The following CR1L variants were observed in gnomAD, a reference collection of about 807,000 sequenced individuals.
CR1L encodes the protein complement C3b/C4b receptor 1 like.
Under a neutral mutation model 62.3 loss-of-function variants are expected in CR1L, and 59 were observed. That is an observed-to-expected ratio of 0.95 (90% CI 0.77 to 1.18). The LOEUF is 1.18. Ranked by LOEUF, CR1L falls within the 50% of genes most tolerant of loss-of-function variation. The pLI is 0.00. For synonymous variants in CR1L, 279 were observed against 248.7 expected (o/e 1.12, Z -1.15); for missense variants, 700 against 702.8 (o/e 1.00, Z 0.04).
chr1:207,677,590 A>G, intron 2 of CR1L, 22 bp downstream of exon 2: 1 of 1,602,428 alleles, frequency 6.2e-7, no homozygotes, highest in Non-Finnish European at 8.5e-7. Context: ...TGGAGTGGGA[A>G]CCCCTCTGTT....
At chr1:207,670,078 T>G (rs1663587415) in intron 1 of CR1L, among the ~76,000 whole-genome samples, 1 of 151,042 alleles carries the variant, frequency 6.6e-6, no homozygotes, top group Non-Finnish European at 1.5e-5. Context: ...GTCGAGTATC[T>G]AACACAGGGC....
intron 4 of CR1L, among the ~76,000 whole-genome samples, chr1:207,690,730 C>T (rs1663983142): frequency 6.6e-6 from 1 of 152,202 alleles, no homozygotes; most frequent in Non-Finnish European, 1.5e-5. Flanking sequence ...GGATTGGTTC[C>T]ATCTGCAAGC....
chr1:207,721,406 TG>T (rs1411002992), intron 11 of CR1L, among the ~76,000 whole-genome samples: 1 of 145,654 alleles, frequency 6.9e-6, no homozygotes, highest in Non-Finnish European at 1.5e-5. Flanking sequence ...GTGATCTCAT[TG>T]TTCAATTCCC....
chr1:207,682,098 A>G (rs1163725169), intron 3 of CR1L, among the ~76,000 whole-genome samples: 1 of 152,138 alleles, frequency 6.6e-6, no homozygotes, highest in African/African-American at 2.4e-5. Context: ...ATACCTATGT[A>G]ACAAAACTGC....
Position 207,663,775 on chromosome 1 carries a change from C to T in CR1L, c.98-13614C>T, listed in dbSNP as rs556221610. Among the ~76,000 whole-genome samples the T allele has an allele frequency of 3.2e-4, 49 of 152,260 alleles. No individual in the cohort carries two copies. In the South Asian group the frequency reaches 0.01, roughly 32 times the overall value. On this transcript the variant is annotated intron_variant, in intron 1 of 11. Transcript: ENST00000508064. ...CCTATTCGGCCATCTTGGCTCCTCC[C>T]TCCTATTTTATTCTTTTCAGAGTGA...
intron 10 of CR1L, chr1:207,710,873 G>A (rs1225138232): frequency 9.4e-6 from 12 of 1,275,302 alleles, no homozygotes; most frequent in South Asian, 1.3e-5. Context: ...GGGGAGGGAT[G>A]TATGTTGAGG....
chr1:207,672,540 C>T (rs1571511494), intron 1 of CR1L, among the ~76,000 whole-genome samples: 1 of 151,824 alleles, frequency 6.6e-6, no homozygotes, highest in Non-Finnish European at 1.5e-5. Flanking sequence ...TAAGGACATA[C>T]TTGAACTCAA....
Position 207,717,657 on chromosome 1 carries a change from C to T in CR1L, c.1608C>T (p.Ser536=). The change falls in exon 11 of 12, where the codon AGC becomes AGT. Residue 536 remains serine, a synonymous_variant. Coordinates refer to ENST00000508064, the MANE Select transcript of CR1L (RefSeq NM_175710.2). ...CTCATGGGAATGGGGTTTGGAGCAG[C>T]CCTGCCCCTCGCTGTGAACTTCCTG... is the stretch of plus-strand genomic sequence containing the variant. ...SEPHGNGVWS[S]PAPRCELPVG... is the part of the protein sequence containing the mutation. The T allele has an allele frequency of 6.2e-6, 10 of 1,613,990 alleles. No individual in the cohort carries two copies. Among genetic ancestry groups the T allele is most frequent in the Non-Finnish European group, 8.5e-6 (10 of 1,179,892 alleles).
chr1:207,697,482 A>C (rs761072201), intron 5 of CR1L, 21 bp from the exon 6 acceptor site: 2 of 1,613,738 alleles, frequency 1.2e-6, no homozygotes, highest in South Asian at 2.2e-5. Context: ...AATTAGCAGT[A>C]CTTTGTTTCT....
In CR1L at chr1:207,710,435, G is replaced by A. The variant is rs752720970; in HGVS notation, c.1414+2172G>A. ...CACCAATGGATATTTCATTAGCACC[G>A]ACAGAGAGTATTTTCACTATGGATC... On this transcript the variant is annotated intron_variant, in intron 10 of 11. Transcript: ENST00000508064. 61 of 1,581,164 alleles carry A rather than the reference G, an allele frequency of 3.9e-5. No individual in the cohort carries two copies. In the Admixed American group the frequency reaches 4.3e-4, roughly 11 times the overall value.
chr1:207,697,724 T>C (rs367938860), intron 6 of CR1L, 45 bp downstream of exon 6: 1 of 1,613,880 alleles, frequency 6.2e-7, no homozygotes, highest in Non-Finnish European at 8.5e-7. Flanking sequence ...CTTGCGTCTT[T>C]ATTCTCCACA....
chr1:207,675,696 A>G (rs543624101), intron 1 of CR1L, among the ~76,000 whole-genome samples: 169 of 152,348 alleles, frequency 1.1e-3, no homozygotes, highest in Non-Finnish European at 1.9e-3. Flanking sequence ...AGGAACAGAA[A>G]TGAAAACAAA....
chr1:207,717,766 A>T, intron 11 of CR1L, 75 bp downstream of exon 11: 2 of 1,550,610 alleles, frequency 1.3e-6, no homozygotes, highest in Non-Finnish European at 8.8e-7. Context: ...CTATAGTGAC[A>T]GTCATTTTTG....
chr1:207,646,479 A>T (rs1663127356), intron 1 of CR1L, among the ~76,000 whole-genome samples: 1 of 152,118 alleles, frequency 6.6e-6, no homozygotes, highest in Non-Finnish European at 1.5e-5. Context: ...GGGAGGCCCA[A>T]GTTGGGTGAT....
At chr1:207,658,652 T>C (rs1359097838) in intron 1 of CR1L, 3 of 151,996 alleles carry the variant, frequency 2.0e-5, no homozygotes, top group Admixed American at 2.0e-4. Flanking sequence ...CACCCAAGAG[T>C]GTGGGGTGCG....
chr1:207,660,609 T>G (rs1663405291), intron 1 of CR1L, among the ~76,000 whole-genome samples: 1 of 152,234 alleles, frequency 6.6e-6, no homozygotes, highest in Non-Finnish European at 1.5e-5. Flanking sequence ...CTGGATCCAT[T>G]GATTTTTTGA....
rs1356346162 is a variant in CR1L at position 207,704,869 on chromosome 1, A to G, written c.1328+3251A>G. 9.2e-5 allele frequency among the ~76,000 whole-genome samples: 14 copies of G among 152,296 alleles called. No homozygotes were observed. In the East Asian group the frequency reaches 1.9e-3, roughly 21 times the overall value. On this transcript the variant is annotated intron_variant, in intron 9 of 11. Coordinates refer to ENST00000508064, the MANE Select transcript of CR1L (RefSeq NM_175710.2). ...CTTGGTTTGTTGTGATATTTGTTTT[A>G]TTGTGGTGTTCTGGAACTGAACCTG... is the stretch of plus-strand genomic sequence containing the variant.
intron 1 of CR1L, among the ~76,000 whole-genome samples, chr1:207,653,931 G>T (rs1663267749): frequency 6.6e-6 from 1 of 152,304 alleles, no homozygotes; most frequent in East Asian, 1.9e-4. Context: ...ATCAGAACAT[G>T]CTGGAAAGTG....
At chr1:207,705,280 T>A (rs1664249951) in intron 9 of CR1L, among the ~76,000 whole-genome samples, 1 of 152,246 alleles carries the variant, frequency 6.6e-6, no homozygotes, top group African/African-American at 2.4e-5. Flanking sequence ...CTGCAAAGAT[T>A]GTATTTCCAA....
Sources: allele counts gnomAD v4.1 joint callset (sites outside exome capture counted in the v4.1 genomes callset), GRCh38; gene constraint gnomAD v4.1.1; transcripts MANE v1.5; gene names NCBI Gene and HGNC (gene_info 2026-07-23, HGNC 2026-07-21).